ZNF735: variants seen among roughly 807,000 people sequenced by gnomAD.
The protein encoded by ZNF735 is zinc finger protein 735, also known as putative zinc finger protein 735.
Under a neutral mutation model 13.4 loss-of-function variants are expected in ZNF735, and 11 were observed. The observed-to-expected ratio is 0.82, with a 90% CI of 0.52 to 1.36. ZNF735 has a LOEUF of 1.36. Among genes scored for constraint, ZNF735 ranks in the 40% most tolerant of loss-of-function variants. The probability of loss-of-function intolerance (pLI) is 0.00; values close to 1 mark genes in which losing one functional copy is unlikely to be tolerated. For missense variants in ZNF735, 500 were observed against 484.6 expected (o/e 1.03, Z -0.30); for synonymous variants, 171 against 162.6 (o/e 1.05, Z -0.39).
chr7:64,220,272 A>C (rs549168633), exon 4 of ZNF735: 2 of 1,610,008 alleles, frequency 1.2e-6, no homozygotes, highest in East Asian at 2.2e-5. Flanking sequence ...CTGGAGAGAA[A>C]CCCTACAAAT....
At chr7:64,208,629 T>G (rs1265317782) in intron 1 of ZNF735, among the ~76,000 whole-genome samples, 1 of 152,104 alleles carries the variant, frequency 6.6e-6, no homozygotes, top group Non-Finnish European at 1.5e-5. Context: ...GGTAAAATCA[T>G]ATCATGAAGT....
intron 1 of ZNF735, among the ~76,000 whole-genome samples, chr7:64,210,658 A>G (rs113438947): frequency 1.3e-5 from 2 of 152,328 alleles, no homozygotes; most frequent in African/African-American, 4.8e-5. Context: ...TCGTGCTCCC[A>G]TTACTGTAAA....
chr7:64,215,798 T>G (rs1453696444), intron 3 of ZNF735, among the ~76,000 whole-genome samples: 1 of 152,210 alleles, frequency 6.6e-6, no homozygotes, highest in Non-Finnish European at 1.5e-5. Flanking sequence ...TGTCTGCTCC[T>G]GGCAACCTTG....
intron 3 of ZNF735, among the ~76,000 whole-genome samples, chr7:64,217,418 T>C (rs914263605): frequency 3.3e-5 from 5 of 152,192 alleles, no homozygotes; most frequent in African/African-American, 7.2e-5. Flanking sequence ...TTGTTTTCTA[T>C]AGCATTGCAA....
intron 1 of ZNF735, among the ~76,000 whole-genome samples, chr7:64,211,514 A>T (rs927568410): frequency 6.6e-6 from 1 of 152,202 alleles, no homozygotes; most frequent in Non-Finnish European, 1.5e-5. Context: ...ATTAAAAATT[A>T]CACAACAGGG....
exon 4 of ZNF735, chr7:64,219,422 A>G: frequency 6.2e-7 from 1 of 1,614,004 alleles, no homozygotes; most frequent in Non-Finnish European, 8.5e-7. Context: ...GAGAATTTAC[A>G]ATTAAAAAAA....
chr7:64,209,353 T>C (rs1266074506), intron 1 of ZNF735, among the ~76,000 whole-genome samples: 1 of 52,156 alleles, frequency 1.9e-5, no homozygotes, highest in Admixed American at 2.1e-4. Flanking sequence ...TTGTTGAACT[T>C]TTTTTTTTTT....
At chr7:64,216,681 T>C (rs1282700995) in intron 3 of ZNF735, among the ~76,000 whole-genome samples, 10 of 152,144 alleles carry the variant, frequency 6.6e-5, no homozygotes, top group African/African-American at 1.7e-4. Context: ...TCTTGGCTCA[T>C]CACAACCTCA....
At position 64,213,238 on chromosome 7, in the gene ZNF735, A is replaced by G; in HGVS notation, c.166+20A>G. The stretch of plus-strand genomic sequence containing the variant: ...CCCTGGGTGAGGTTAACCTCAATAC[A>G]TAATTCCTAATATATTGCCGTTCTC... On this transcript the variant is annotated intron_variant, in intron 2 of 3. Transcript: ENST00000429565. 6.4e-7 allele frequency: 1 copy of G among 1,569,428 alleles called. No homozygotes were observed.
chr7:64,211,514 A>G (rs927568410), intron 1 of ZNF735, among the ~76,000 whole-genome samples: 2 of 152,202 alleles, frequency 1.3e-5, no homozygotes, highest in African/African-American at 4.8e-5. Flanking sequence ...ATTAAAAATT[A>G]CACAACAGGG....
chr7:64,219,337 G>C (rs748397589), exon 4 of ZNF735: 18 of 1,612,678 alleles, frequency 1.1e-5, no homozygotes, highest in Non-Finnish European at 1.4e-5. Context: ...TTTCAACCAA[G>C]ACCTTCAGCC....
chr7:64,214,050 G>A (rs778938385), exon 3 of ZNF735: 3 of 1,600,196 alleles, frequency 1.9e-6, no homozygotes, highest in Admixed American at 3.3e-5. Context: ...TCGCCTGTCT[G>A]GAGCAAAATA....
At chr7:64,213,834 C>T (rs1294648939) in intron 2 of ZNF735, among the ~76,000 whole-genome samples, 179 bp from the exon 3 acceptor site, 3 of 152,032 alleles carry the variant, frequency 2.0e-5, no homozygotes, top group African/African-American at 7.2e-5. Flanking sequence ...TGGTATGTGC[C>T]TGTAGTCCCA....
chr7:64,213,285 T>C (rs1418577671), intron 2 of ZNF735, 67 bp downstream of exon 2: 1 of 1,472,668 alleles, frequency 6.8e-7, no homozygotes, highest in Non-Finnish European at 9.1e-7. Context: ...ATGATTTTGG[T>C]AATTTCTGCT....
At chr7:64,214,478 A>G (rs1215109111) in intron 3 of ZNF735, among the ~76,000 whole-genome samples, 2 of 152,004 alleles carry the variant, frequency 1.3e-5, no homozygotes, top group Non-Finnish European at 1.5e-5. Context: ...CATTTAAAAA[A>G]CTTTTTGCAT....
chr7:64,207,314 G>A lies in ZNF735; in HGVS notation c.39+73G>A, dbSNP rs369071548. 8.1e-6 allele frequency: 13 copies of A among 1,613,676 alleles called. No homozygotes were observed. In the African/African-American group the frequency reaches 1.5e-4, roughly 18 times the overall value. Reference sequence around the variant, plus strand: ...AACCGGCTGAAAGTGGCTGCAGCAGGACCCATACTTCCTCGCAGTCAGCTC... The same window carrying A: ...AACCGGCTGAAAGTGGCTGCAGCAGAACCCATACTTCCTCGCAGTCAGCTC... On this transcript the variant is annotated intron_variant, in intron 1 of 3. Transcript: ENST00000429565.
exon 4 of ZNF735, chr7:64,219,583 A>G (rs1279898549): frequency 3.2e-6 from 5 of 1,578,454 alleles, no homozygotes; most frequent in Non-Finnish European, 4.3e-6. Flanking sequence ...ACACAATGCA[A>G]GATATACTGG....
intron 3 of ZNF735, among the ~76,000 whole-genome samples, chr7:64,218,638 G>A (rs1180065451): frequency 2.0e-5 from 3 of 151,576 alleles, no homozygotes; most frequent in African/African-American, 7.3e-5. Flanking sequence ...TTTTATAGTT[G>A]CTTTTCGAAA....
At chr7:64,217,316 T>C (rs1312968880) in intron 3 of ZNF735, among the ~76,000 whole-genome samples, 1 of 152,238 alleles carries the variant, frequency 6.6e-6, no homozygotes, top group South Asian at 2.1e-4. Context: ...CAGAAACAGA[T>C]GCTGGCATAT....
Sources: allele counts gnomAD v4.1 joint callset (sites outside exome capture counted in the v4.1 genomes callset), GRCh38; gene constraint gnomAD v4.1.1; transcripts MANE v1.5; gene names NCBI Gene and HGNC (gene_info 2026-07-23, HGNC 2026-07-21).